The following IMMT variants were observed in gnomAD, a reference collection of about 807,000 sequenced individuals.
IMMT encodes the protein MICOS complex subunit MIC60.
Under a neutral mutation model 92.7 loss-of-function variants are expected in IMMT, and 40 were observed. The ratio of observed to expected loss-of-function variants is 0.43; its 90% CI spans 0.34 to 0.56. The LOEUF is 0.56. Among genes scored for constraint, IMMT ranks in the 20% least tolerant of loss-of-function variants. The pLI is 0.03. For missense variants in IMMT, 831 were observed against 912.1 expected (o/e 0.91, Z 1.14); for synonymous variants, 322 against 336.1 (o/e 0.96, Z 0.46).
rs1022335976 is a variant in IMMT at position 86,195,325 on chromosome 2, C to A, written c.45+13G>T. On this transcript the variant is annotated intron_variant, in intron 1 of 14. Coordinates refer to ENST00000410111, the MANE Select transcript of IMMT (RefSeq NM_006839.3). The stretch of plus-strand genomic sequence containing the variant: ...CAGCCTCCTCACGCGCCTCCGGGAG[C>A]CCCAGTGCTCACCTGGGCGGCGGCG... The A allele has an allele frequency of 6.5e-6, 10 of 1,543,974 alleles. No individual in the cohort carries two copies. The African/African-American group carries it at 1.2e-4, about 19-fold the overall frequency.
chr2:86,158,320 T>C (rs1206718601), intron 10 of IMMT: 1 of 229,542 alleles, frequency 4.4e-6, no homozygotes, highest in Non-Finnish European at 8.7e-6. Flanking sequence ...TCCAAACTTT[T>C]TTTTTTTGAG....
rs751220994 is a variant in IMMT, at chr2:86,144,588, T to A, written c.1957A>T (p.Asn653Tyr). 14 of 1,613,888 alleles carry A rather than the reference T, an allele frequency of 8.7e-6. 1 individual carries two copies. Among genetic ancestry groups the A allele is most frequent in the African/African-American group, 1.3e-5 (1 of 74,918 alleles). Residue 653 changes from asparagine (N) to tyrosine (Y), a missense_variant, in exon 15 of 15, where the codon AAT becomes TAT. Coordinates refer to ENST00000410111, the MANE Select transcript of IMMT (RefSeq NM_006839.3). ...RRVAMIDETR[N>Y]SLYQYFLSYL... ...GAGAGGAAGTACTGGTACAAGCTAT[T>A]TCTGGTTTCATCAATCATTGCTACC...
At chr2:86,167,452 C>CGTGAGCCA (rs1676779275) in intron 6 of IMMT, among the ~76,000 whole-genome samples, 1 of 148,572 alleles carries the variant, frequency 6.7e-6, no homozygotes, top group Non-Finnish European at 1.5e-5. Context: ...GGATTACAGG[C>CGTGAGCCA]GTGAGCCACC....
chr2:86,154,665 T>C (rs1271723770), intron 10 of IMMT, among the ~76,000 whole-genome samples: 2 of 152,154 alleles, frequency 1.3e-5, no homozygotes, highest in African/African-American at 4.8e-5. Context: ...AAATTTTCAT[T>C]TAACCTGTGC....
At chr2:86,168,995 G>C (rs1676912429) in intron 6 of IMMT, among the ~76,000 whole-genome samples, 1 of 152,186 alleles carries the variant, frequency 6.6e-6, no homozygotes, top group East Asian at 1.9e-4. Flanking sequence ...GGCACCTGCT[G>C]CTTCCAGCCC....
chr2:86,184,797 G>T (rs1672649139), intron 1 of IMMT, among the ~76,000 whole-genome samples: 1 of 151,942 alleles, frequency 6.6e-6, no homozygotes, highest in Non-Finnish European at 1.5e-5. Flanking sequence ...TGTAGTGACA[G>T]AAGTTTATCA....
intron 4 of IMMT, 147 bp downstream of exon 4, chr2:86,173,503 C>A: frequency 1.7e-6 from 1 of 583,000 alleles, no homozygotes; most frequent in Non-Finnish European, 3.1e-6. Flanking sequence ...TCGCTTGAAC[C>A]TGGGAGGTGG....
chr2:86,149,998 A>ACTGGTAGGAT (rs985488629), intron 12 of IMMT, among the ~76,000 whole-genome samples: 1 of 152,190 alleles, frequency 6.6e-6, no homozygotes, highest in African/African-American at 2.4e-5. Context: ...TGGATGCAAA[A>ACTGGTAGGAT]CTGGTAGGAT....
At chr2:86,174,601 G>A (rs775410677) in intron 3 of IMMT, among the ~76,000 whole-genome samples, 7 of 152,176 alleles carry the variant, frequency 4.6e-5, no homozygotes, top group Middle Eastern at 6.8e-3. Flanking sequence ...CACTCTCTTA[G>A]GTAGCCACTG....
chr2:86,158,112 C>A (rs7561589), intron 10 of IMMT, among the ~76,000 whole-genome samples: 69,869 of 152,026 alleles, frequency 0.46, 16,607 homozygotes, highest in Non-Finnish European at 0.51. Flanking sequence ...GATAGCCAGA[C>A]AGCTGGTTCC....
intron 7 of IMMT, among the ~76,000 whole-genome samples, chr2:86,165,140 G>A (rs1020740748): frequency 6.6e-6 from 1 of 152,128 alleles, no homozygotes; most frequent in Admixed American, 6.5e-5. Context: ...TAATCACCAT[G>A]TGCTACACAT....
At chr2:86,166,462 C>A in intron 7 of IMMT, 46 bp downstream of exon 7, 2 of 1,550,850 alleles carry the variant, frequency 1.3e-6, no homozygotes, top group Non-Finnish European at 1.7e-6. Context: ...TTTTTGTCCT[C>A]CAAGTCATGA....
chr2:86,162,099 T>G lies in IMMT; in HGVS notation c.793-20A>C, dbSNP rs754089028. 6.9e-7 allele frequency: 1 copy of G among 1,450,894 alleles called. No homozygotes were observed. The highest frequency in any genetic ancestry group is 9.4e-7 in the Non-Finnish European group (1 of 1,068,864). The allele number at this position is 1,450,894 out of a possible 1,614,324, so 89.9% of individuals were successfully genotyped here. On this transcript the variant is annotated intron_variant, in intron 7 of 14. Coordinates refer to ENST00000410111, the MANE Select transcript of IMMT (RefSeq NM_006839.3). ...TGCAATCTAAACAAAAAATTTTAAT[T>G]ATATAATAAATAACTGCTATTATTG... is the stretch of plus-strand genomic sequence containing the variant.
intron 3 of IMMT, among the ~76,000 whole-genome samples, chr2:86,176,129 C>G (rs1389410179): frequency 6.6e-6 from 1 of 152,162 alleles, no homozygotes; most frequent in East Asian, 1.9e-4. Flanking sequence ...TAAAAGCTAG[C>G]AAAGACCACA....
chr2:86,179,610 G>A lies in IMMT; in HGVS notation c.132C>T (p.Gly44=). ...ACAAAAGGCCAGCTCCAGCAATTTTGCCAGTAGTCAACCTAAGTGAAAGAA... is the reference window on the plus strand; with the variant it reads ...ACAAAAGGCCAGCTCCAGCAATTTTACCAGTAGTCAACCTAAGTGAAAGAA... ...STSGSSGLTT[G]KIAGAGLLFV... is the part of the protein sequence containing the mutation. The change falls in exon 3 of 15, where the codon GGC becomes GGT. Residue 44 remains glycine, a synonymous_variant. Coordinates refer to ENST00000410111, the MANE Select transcript of IMMT (RefSeq NM_006839.3). 6.3e-7 allele frequency: 1 copy of A among 1,593,590 alleles called. No individual in the cohort carries two copies. Among genetic ancestry groups the A allele is most frequent in the Non-Finnish European group, 8.5e-7 (1 of 1,173,992 alleles).
rs70953998 is a variant in IMMT at position 86,163,959 on chromosome 2, C to CA, written c.793-1881dup. Among the ~76,000 whole-genome samples the CA allele has an allele frequency of 3.4e-4, 31 of 91,966 alleles. 1 individual carries two copies. Among genetic ancestry groups the CA allele is most frequent in the African/African-American group, 1.0e-3 (26 of 25,484 alleles). The allele number at this position is 91,966 out of a possible 152,430, so 60.3% of individuals were successfully genotyped here. ...GGGCAACAAAGCAAGACTCCATCTC[C>CA]AAAAAAAAAGAATGTTCTATGTAAA... On this transcript the variant is annotated intron_variant, in intron 7 of 14. Coordinates refer to ENST00000410111, the MANE Select transcript of IMMT (RefSeq NM_006839.3).
At chr2:86,157,892 C>A (rs529472762) in intron 10 of IMMT, among the ~76,000 whole-genome samples, 1 of 151,266 alleles carries the variant, frequency 6.6e-6, no homozygotes, top group African/African-American at 2.4e-5. Flanking sequence ...GCAGGAGGAT[C>A]GCTTCAACCC....
At chr2:86,194,986 C>A (rs1359843408) in intron 1 of IMMT, 5 of 278,222 alleles carry the variant, frequency 1.8e-5, no homozygotes, top group African/African-American at 8.8e-5. Flanking sequence ...AGTTCTCGCC[C>A]GTCGACCTTC....
rs1676694025 is a variant in IMMT at position 86,166,591 on chromosome 2, G to A, written c.709C>T (p.Gln237Ter). The change falls in exon 7 of 15, where the codon CAG (glutamine) becomes TAG (stop). Residue 237 changes from glutamine (Q) to a stop codon, truncating the protein, a stop_gained. Coordinates refer to ENST00000410111, the MANE Select transcript of IMMT (RefSeq NM_006839.3). LOFTEE classifies it high-confidence loss of function. ...GCAGCATTCTGAGCTGCAATAGCCTGCAGAGTGACACTTGCAGTTTGCCTC... is the reference window on the plus strand; with the variant it reads ...GCAGCATTCTGAGCTGCAATAGCCTACAGAGTGACACTTGCAGTTTGCCTC... ...ALRQTASVTL[Q>*]AIAAQNAAVQ... 1 of 1,613,206 alleles carries A rather than the reference G, an allele frequency of 6.2e-7. No individual in the cohort carries two copies. The highest frequency in any genetic ancestry group is 8.5e-7 in the Non-Finnish European group (1 of 1,179,658).
Sources: allele counts gnomAD v4.1 joint callset (sites outside exome capture counted in the v4.1 genomes callset), GRCh38; gene constraint gnomAD v4.1.1; transcripts MANE v1.5; gene names NCBI Gene and HGNC (gene_info 2026-07-23, HGNC 2026-07-21).